ZNF609: variants seen among roughly 807,000 people sequenced by gnomAD.
ZNF609 encodes zinc finger protein 609.
Under a neutral mutation model 109.5 loss-of-function variants are expected in ZNF609, and 11 were observed. That is an observed-to-expected ratio of 0.10 (90% CI 0.06 to 0.17). The LOEUF (loss-of-function observed/expected upper bound fraction) is 0.17, where lower values mean the gene tolerates loss of function less well. Among genes scored for constraint, ZNF609 ranks in the 10% least tolerant of loss-of-function variants. ZNF609 has a pLI of 1.00. For missense variants in ZNF609, 1,559 were observed against 1,772.4 expected, an observed-to-expected ratio of 0.88 and a Z score of 2.16; for synonymous variants, 646 against 662.0, an observed-to-expected ratio of 0.98 and a Z score of 0.37.
chr15:64,483,052 A>G (rs1371624370), intron 1 of ZNF609, among the ~76,000 whole-genome samples: 1 of 152,042 alleles, frequency 6.6e-6, no homozygotes, highest in Non-Finnish European at 1.5e-5. Flanking sequence ...CTGGAGGAAT[A>G]TTAACGAATT....
chr15:64,645,210 C>T (rs1686708654), intron 3 of ZNF609, among the ~76,000 whole-genome samples: 1 of 151,070 alleles, frequency 6.6e-6, no homozygotes, highest in Non-Finnish European at 1.5e-5. Context: ...CCTACCTCAA[C>T]CCTCTAGGTA....
rs1353771723 is a variant in ZNF609, at chr15:64,577,394, CAT to C, written c.748-45428_748-45427del. Among the ~76,000 whole-genome samples the C allele has an allele frequency of 1.9e-4, 3 of 16,184 alleles. 1 individual carries two copies. The highest frequency in any genetic ancestry group is 3.0e-4 in the African/African-American group (3 of 10,054). 10.6% of individuals were successfully genotyped at this position (16,184 alleles called of 152,430 possible). A position where few individuals can be genotyped will look rare whatever the true frequency, so the allele number is the denominator to read the frequency against. On this transcript the variant is annotated intron_variant, in intron 2 of 9. Coordinates refer to ENST00000326648, the MANE Select transcript of ZNF609 (RefSeq NM_015042.2). The stretch of plus-strand genomic sequence containing the variant: ...ATATATACACATATAAATATATACA[CAT>C]ATATGTATATATATACACATATAAA...
At chr15:64,587,808 G>A (rs1299497973) in intron 2 of ZNF609, among the ~76,000 whole-genome samples, 1 of 152,036 alleles carries the variant, frequency 6.6e-6, no homozygotes, top group Non-Finnish European at 1.5e-5. Flanking sequence ...GTCTATGGAT[G>A]TGGTGTCTCC....
chr15:64,620,563 C>T (rs1895860703), intron 2 of ZNF609, among the ~76,000 whole-genome samples: 1 of 152,152 alleles, frequency 6.6e-6, no homozygotes, highest in African/African-American at 2.4e-5. Context: ...TGCCTTTTGG[C>T]ATTTATCATA....
At chr15:64,565,598 A>T (rs1894762975) in intron 2 of ZNF609, among the ~76,000 whole-genome samples, 1 of 152,174 alleles carries the variant, frequency 6.6e-6, no homozygotes. Context: ...AGCAGAATGG[A>T]ACACTGACAA....
chr15:64,519,678 C>T (rs1317937102), intron 2 of ZNF609, among the ~76,000 whole-genome samples: 1 of 152,080 alleles, frequency 6.6e-6, no homozygotes, highest in African/African-American at 2.4e-5. Flanking sequence ...CCATATTTTC[C>T]CTGCCTGGCA....
chr15:64,552,504 C>T (rs956259236), intron 2 of ZNF609, among the ~76,000 whole-genome samples: 2 of 151,848 alleles, frequency 1.3e-5, no homozygotes, highest in African/African-American at 2.4e-5. Context: ...CCTACAGGCA[C>T]GCACCACGCC....
At chr15:64,575,927 C>G (rs1414036150) in intron 2 of ZNF609, among the ~76,000 whole-genome samples, 2 of 152,104 alleles carry the variant, frequency 1.3e-5, no homozygotes, top group Non-Finnish European at 2.9e-5. Context: ...GCAGTGAAAC[C>G]CCGTCTCTTC....
intron 2 of ZNF609, among the ~76,000 whole-genome samples, chr15:64,579,110 T>TA (rs1162133072): frequency 6.6e-6 from 1 of 152,176 alleles, no homozygotes; most frequent in Non-Finnish European, 1.5e-5. Context: ...GCTATTTTTT[T>TA]ATGTCTTTTT....
chr15:64,588,893 C>T (rs1895248156), intron 2 of ZNF609, among the ~76,000 whole-genome samples: 1 of 152,142 alleles, frequency 6.6e-6, no homozygotes, highest in African/African-American at 2.4e-5. Context: ...ATCCACCTGC[C>T]TCAGCCTTCC....
intron 3 of ZNF609, among the ~76,000 whole-genome samples, chr15:64,641,982 G>A (rs1310592428): frequency 6.6e-6 from 1 of 152,092 alleles, no homozygotes; most frequent in African/African-American, 2.4e-5. Flanking sequence ...CTTCCTTACA[G>A]TCAGATCCAT....
At chr15:64,569,825 A>G (rs1595721718) in intron 2 of ZNF609, among the ~76,000 whole-genome samples, 1 of 152,270 alleles carries the variant, frequency 6.6e-6, no homozygotes, top group African/African-American at 2.4e-5. Context: ...AGTGTTAGAC[A>G]GCTAGTTAAG....
intron 3 of ZNF609, among the ~76,000 whole-genome samples, chr15:64,634,843 A>G (rs1021389840): frequency 6.6e-5 from 10 of 152,192 alleles, no homozygotes; most frequent in Admixed American, 6.5e-4. Context: ...GCAGCCACAC[A>G]AAGGAAACAT....
At chr15:64,528,956 C>T in intron 2 of ZNF609, 1 of 1,382,998 alleles carries the variant, frequency 7.2e-7, no homozygotes, top group Non-Finnish European at 1.0e-6. Context: ...GCCACTGACA[C>T]ATTGGCAGTG....
intron 2 of ZNF609, among the ~76,000 whole-genome samples, chr15:64,544,483 A>G (rs1423580118): frequency 6.6e-6 from 1 of 152,238 alleles, no homozygotes; most frequent in Non-Finnish European, 1.5e-5. Flanking sequence ...TTTGCTAAGC[A>G]GATTTATGCA....
At chr15:64,545,983 G>A (rs191782445) in intron 2 of ZNF609, among the ~76,000 whole-genome samples, 262 of 152,246 alleles carry the variant, frequency 1.7e-3, no homozygotes, top group Non-Finnish European at 2.4e-3. Context: ...AAAGTTTTTT[G>A]TGGATAGAGG....
intron 1 of ZNF609, among the ~76,000 whole-genome samples, chr15:64,465,156 A>G (rs537409429): frequency 6.6e-6 from 1 of 152,260 alleles, no homozygotes; most frequent in South Asian, 2.1e-4. Flanking sequence ...TTAAAGGGAA[A>G]TGGGAAGGAG....
chr15:64,502,153 A>G (rs909730503), intron 2 of ZNF609: 2 of 152,256 alleles, frequency 1.3e-5, no homozygotes, highest in Admixed American at 1.3e-4. Context: ...GCTGGCAATT[A>G]CTTTTAGAAG....
chr15:64,597,510 G>C (rs955246782), intron 2 of ZNF609, among the ~76,000 whole-genome samples: 1 of 152,148 alleles, frequency 6.6e-6, no homozygotes, highest in African/African-American at 2.4e-5. Flanking sequence ...AATGACACTG[G>C]AGTGATCTGC....
Sources: allele counts gnomAD v4.1 joint callset (sites outside exome capture counted in the v4.1 genomes callset), GRCh38; gene constraint gnomAD v4.1.1; transcripts MANE v1.5; gene names NCBI Gene and HGNC (gene_info 2026-07-23, HGNC 2026-07-21).